SESN3: variants seen among roughly 807,000 people sequenced by gnomAD.
The protein encoded by SESN3 is sestrin-3.
SESN3 carries 21 observed loss-of-function variants against 55.3 expected under a neutral mutation model. The ratio of observed to expected loss-of-function variants is 0.38; its 90% CI spans 0.27 to 0.55. The LOEUF (loss-of-function observed/expected upper bound fraction) is 0.55, where lower values mean the gene tolerates loss of function less well. Ranked by LOEUF, SESN3 falls within the 20% of genes least tolerant of loss-of-function variation. The pLI is 0.76. For synonymous variants in SESN3, 181 were observed against 203.1 expected (o/e 0.89, Z 0.93); for missense variants, 408 against 604.3 (o/e 0.68, Z 3.41).
At chr11:95,225,174 T>A (rs1021652044) in intron 1 of SESN3, among the ~76,000 whole-genome samples, 3 of 152,208 alleles carry the variant, frequency 2.0e-5, no homozygotes, top group African/African-American at 7.2e-5. Context: ...GGGGCTAGCA[T>A]AGTTTTACCC....
chr11:95,231,579 G>C (rs1470351588), upstream of SESN3: 1 of 155,652 alleles, frequency 6.4e-6, no homozygotes, highest in South Asian at 2.1e-4. Flanking sequence ...AAGTGGTGAG[G>C]AGAATGAGAT....
Position 95,167,321 on chromosome 11 carries a change from A to G in SESN3, c.*5934T>C, listed in dbSNP as rs536652088. On this transcript the variant is annotated 3_prime_UTR_variant, in exon 10 of 10. Transcript: ENST00000536441. ...GCAAAATTTACATAACAAAAATTCT[A>G]TTCATCTTATTTAGACTTACTAATG... 6.6e-6 allele frequency: 1 copy of G among 152,264 alleles called. No individual in the cohort carries two copies. The highest frequency in any genetic ancestry group is 2.1e-4 in the South Asian group (1 of 4,822). The allele number at this position is 152,264 out of a possible 1,614,324, so 9.4% of individuals were successfully genotyped here.
rs766152624 is a variant in SESN3 at position 95,184,380 on chromosome 11, T to A, written c.937+40A>T. 8 of 1,586,662 alleles carry A rather than the reference T, an allele frequency of 5.0e-6. No homozygotes were observed. The South Asian group carries it at 8.9e-5, about 18-fold the overall frequency. On this transcript the variant is annotated intron_variant, in intron 6 of 9. Transcript: ENST00000536441. ...AACACTGAAGTTGCCCTGTCAGGGTTCTAAGAACAACTAAAAGGCAAAAAA... is the reference window on the plus strand; with the variant it reads ...AACACTGAAGTTGCCCTGTCAGGGTACTAAGAACAACTAAAAGGCAAAAAA...
At position 95,231,149 on chromosome 11, in the gene SESN3, C is replaced by G. The variant is rs1861055639; in HGVS notation, c.-289G>C. 1 of 408,254 alleles carries G rather than the reference C, an allele frequency of 2.4e-6. No homozygotes were observed. The highest frequency in any genetic ancestry group is 4.3e-6 in the Non-Finnish European group (1 of 235,232). 25.3% of individuals were successfully genotyped at this position (408,254 alleles called of 1,614,324 possible). ...GACCCCCGCCCCCGCCAGGCTAGGA[C>G]GAGCAGCCGCCACCGCTGCCACCGC... On this transcript the variant is annotated 5_prime_UTR_variant, in exon 1 of 10. Coordinates refer to ENST00000536441, the MANE Select transcript of SESN3 (RefSeq NM_144665.4).
chr11:95,198,935 A>G (rs1860413490), intron 1 of SESN3, among the ~76,000 whole-genome samples: 1 of 152,190 alleles, frequency 6.6e-6, no homozygotes, highest in Non-Finnish European at 1.5e-5. Context: ...GTACTAAAGT[A>G]CTTTCATAGA....
At chr11:95,195,539 T>C (rs1380471026) in intron 1 of SESN3, among the ~76,000 whole-genome samples, 3 of 152,186 alleles carry the variant, frequency 2.0e-5, no homozygotes, top group Non-Finnish European at 2.9e-5. Context: ...CTACGGCGTA[T>C]GACATATACC....
At chr11:95,229,338 A>G (rs1861007067) in intron 1 of SESN3, among the ~76,000 whole-genome samples, 1 of 152,156 alleles carries the variant, frequency 6.6e-6, no homozygotes, top group African/African-American at 2.4e-5. Context: ...GCAAGTATCA[A>G]CTGTAATTTG....
At chr11:95,181,983 C>T (rs565665871) in intron 6 of SESN3, among the ~76,000 whole-genome samples, 7 of 151,818 alleles carry the variant, frequency 4.6e-5, no homozygotes, top group African/African-American at 9.7e-5. Context: ...TATATGTATG[C>T]GGAGGGGTAT....
chr11:95,182,383 T>C (rs1362937798), intron 6 of SESN3, among the ~76,000 whole-genome samples: 1 of 152,212 alleles, frequency 6.6e-6, no homozygotes, highest in Non-Finnish European at 1.5e-5. Flanking sequence ...TAATCAACTT[T>C]TAATGTCTGT....
chr11:95,231,166 T>TGCCACCGCCACC lies in SESN3; in HGVS notation c.-318_-307dup, dbSNP rs1332232136. 3.5e-6 allele frequency: 1 copy of TGCCACCGCCACC among 283,910 alleles called. No homozygotes were observed. The highest frequency in any genetic ancestry group is 3.0e-5 in the African/African-American group (1 of 32,942). The allele number at this position is 283,910 out of a possible 1,614,324, so 17.6% of individuals were successfully genotyped here. On this transcript the variant is annotated 5_prime_UTR_variant, in exon 1 of 10. Transcript: ENST00000536441. ...GGCTAGGACGAGCAGCCGCCACCGC[T>TGCCACCGCCACC]GCCACCGCCACCACCGCCGCCGCAG...
chr11:95,207,189 ATCAG>A (rs1467893702), intron 1 of SESN3, among the ~76,000 whole-genome samples: 2 of 151,776 alleles, frequency 1.3e-5, no homozygotes, highest in Non-Finnish European at 1.5e-5. Flanking sequence ...CAACCAACCA[ATCAG>A]TATGTACCAA....
At chr11:95,218,074 T>C (rs2134263333) in intron 1 of SESN3, among the ~76,000 whole-genome samples, 1 of 152,328 alleles carries the variant, frequency 6.6e-6, no homozygotes, top group Non-Finnish European at 1.5e-5. Context: ...AAGTGTAGGT[T>C]CATTTATTAC....
intron 3 of SESN3, among the ~76,000 whole-genome samples, chr11:95,190,884 C>T (rs575454809): frequency 5.5e-4 from 83 of 151,960 alleles, no homozygotes; most frequent in Non-Finnish European, 1.1e-3. Flanking sequence ...CCTCTCTGAC[C>T]TCTATTGCCT....
intron 1 of SESN3, among the ~76,000 whole-genome samples, chr11:95,206,124 G>C (rs1860542123): frequency 6.6e-6 from 1 of 151,726 alleles, no homozygotes; most frequent in South Asian, 2.1e-4. Flanking sequence ...GTATCATTTT[G>C]TGAAAGAGAA....
chr11:95,182,074 C>T (rs989400208), intron 6 of SESN3: 10 of 271,834 alleles, frequency 3.7e-5, no homozygotes, highest in Non-Finnish European at 6.6e-5. Context: ...AGGTCCAAGA[C>T]TTTCTAGTCA....
At chr11:95,218,425 C>A (rs1350118692) in intron 1 of SESN3, among the ~76,000 whole-genome samples, 1 of 152,144 alleles carries the variant, frequency 6.6e-6, no homozygotes, top group Non-Finnish European at 1.5e-5. Flanking sequence ...GGTGAGAGCA[C>A]TTAATGTTTC....
At chr11:95,217,250 G>A (rs1860777006) in intron 1 of SESN3, among the ~76,000 whole-genome samples, 1 of 152,100 alleles carries the variant, frequency 6.6e-6, no homozygotes, top group African/African-American at 2.4e-5. Flanking sequence ...ATCAATGTAT[G>A]CTTTTTGTGC....
Position 95,183,572 on chromosome 11 carries a change from C to T in SESN3, c.937+848G>A, listed in dbSNP as rs1451325353. 2.0e-5 allele frequency among the ~76,000 whole-genome samples: 3 copies of T among 151,566 alleles called. No individual in the cohort carries two copies. The East Asian group carries it at 5.8e-4, about 29-fold the overall frequency. On this transcript the variant is annotated intron_variant, in intron 6 of 9. Transcript: ENST00000536441. The stretch of plus-strand genomic sequence containing the variant: ...AATATATTATGTGTGATCCCAGCTA[C>T]TCAGGAGGCTGAGACAAGAGAACCG...
intron 1 of SESN3, among the ~76,000 whole-genome samples, chr11:95,229,266 A>C (rs1268633427): frequency 6.6e-6 from 1 of 152,196 alleles, no homozygotes; most frequent in Non-Finnish European, 1.5e-5. Context: ...TTAACATCCA[A>C]CTAAGCTGAT....
Sources: allele counts gnomAD v4.1 joint callset (sites outside exome capture counted in the v4.1 genomes callset), GRCh38; gene constraint gnomAD v4.1.1; transcripts MANE v1.5; gene names NCBI Gene and HGNC (gene_info 2026-07-23, HGNC 2026-07-21).